Variants in RC3H1 observed in about 807,000 individuals in gnomAD.
RC3H1 encodes roquin-1.
A neutral mutation model predicts 138.2 loss-of-function variants in RC3H1; 50 were observed. That is an observed-to-expected ratio of 0.36 (90% CI 0.29 to 0.46). The LOEUF is 0.46. Among genes scored for constraint, RC3H1 ranks in the 20% least tolerant of loss-of-function variants. The pLI, the probability that RC3H1 is intolerant of heterozygous loss-of-function variation, is 1.00. For missense variants in RC3H1, 1,031 were observed against 1,388.1 expected, an observed-to-expected ratio of 0.74 and a Z score of 4.09; for synonymous variants, 462 against 489.1, an observed-to-expected ratio of 0.94 and a Z score of 0.73.
At chr1:173,957,639 T>C (rs1400872670) in intron 13 of RC3H1, among the ~76,000 whole-genome samples, 2 of 152,064 alleles carry the variant, frequency 1.3e-5, no homozygotes, top group African/African-American at 4.8e-5. Context: ...AGCACGGACC[T>C]CCCAGGTTCA....
intron 1 of RC3H1, among the ~76,000 whole-genome samples, chr1:174,012,670 GCTA>G (rs1450788977): frequency 2.0e-5 from 3 of 151,826 alleles, no homozygotes; most frequent in Non-Finnish European, 2.9e-5. Context: ...TGTAGTCCCA[GCTA>G]CTCGGGAGGC....
intron 1 of RC3H1, among the ~76,000 whole-genome samples, chr1:173,995,432 G>C (rs1193003910): frequency 1.3e-5 from 2 of 151,752 alleles, no homozygotes; most frequent in Non-Finnish European, 2.9e-5. Context: ...TACTTGGGAG[G>C]CTGAGGCAGG....
chr1:174,013,652 G>A (rs1661808970), intron 1 of RC3H1, among the ~76,000 whole-genome samples: 1 of 152,024 alleles, frequency 6.6e-6, no homozygotes, highest in African/African-American at 2.4e-5. Flanking sequence ...ATGTTGGCCA[G>A]TATGGTCTTG....
chr1:174,012,121 A>G (rs1424353092), intron 1 of RC3H1, among the ~76,000 whole-genome samples: 1 of 132,274 alleles, frequency 7.6e-6, no homozygotes, highest in Non-Finnish European at 1.5e-5. Flanking sequence ...ATGAGGTGGC[A>G]GGGGTGGCCT....
At position 173,982,915 on chromosome 1, in the gene RC3H1, G is replaced by A. The variant is rs1198651964; in HGVS notation, c.593-13C>T. ...TCCTCCTGCATTGCTAGGGAAAGTTGGGCAAAACCAAAATTTATCAAGTAC... is the reference window on the plus strand; with the variant it reads ...TCCTCCTGCATTGCTAGGGAAAGTTAGGCAAAACCAAAATTTATCAAGTAC... On this transcript the variant is annotated splice_polypyrimidine_tract_variant and intron_variant, in intron 4 of 19. Transcript: ENST00000367696. 1 of 1,593,974 alleles carries A rather than the reference G, an allele frequency of 6.3e-7. No homozygotes were observed. The highest frequency in any genetic ancestry group is 8.5e-7 in the Non-Finnish European group (1 of 1,172,978).
intron 14 of RC3H1, among the ~76,000 whole-genome samples, chr1:173,948,942 G>A (rs993575839): frequency 2.3e-4 from 35 of 151,920 alleles, no homozygotes; most frequent in Middle Eastern, 3.4e-3. Context: ...GCTAATACTC[G>A]TGTTACTTTA....
rs1005550144 is a variant in RC3H1, at chr1:173,984,506, A to G, written c.345T>C (p.Ser115=). Residue 115 remains serine (S), a synonymous_variant, in exon 3 of 20, where the codon AGT becomes AGC. Coordinates refer to ENST00000367696, the MANE Select transcript of RC3H1 (RefSeq NM_172071.4). ...ELALYLKPLS[S]ARGVGLNSTT... is the part of the protein sequence containing the mutation. ...AAACAAAAACAAACTTACCTCTAGC[A>G]CTGCTGAGCGGTTTTAAGTACAATG... The G allele has an allele frequency of 6.2e-7, 1 of 1,612,734 alleles. No homozygotes were observed. Among genetic ancestry groups the G allele is most frequent in the African/African-American group, 1.3e-5 (1 of 74,870 alleles).
chr1:173,984,710 T>G, intron 2 of RC3H1, 91 bp from the exon 3 acceptor site: 4 of 1,327,468 alleles, frequency 3.0e-6, no homozygotes, highest in Non-Finnish European at 4.1e-6. Context: ...CTGACACTGG[T>G]AACATCAAAA....
rs1265806847 is a variant in RC3H1, at chr1:173,936,759, ATATTT to A, written c.*1957_*1961del. The A allele has an allele frequency of 2.4e-4, 5 of 20,790 alleles. No homozygotes were observed. The South Asian group carries it at 5.7e-3, about 24-fold the overall frequency. 1.3% of individuals were successfully genotyped at this position (20,790 alleles called of 1,614,324 possible). A position where few individuals can be genotyped will look rare whatever the true frequency, so the allele number is the denominator to read the frequency against. On this transcript the variant is annotated 3_prime_UTR_variant, in exon 20 of 20. Transcript: ENST00000367696. ...TATATATATATATATATATATATAT[ATATTT>A]TTTTTTTTTTTTTTAAAAAAAGAAG...
rs1471591509 is a variant in RC3H1, at chr1:173,931,964, C to CA, written c.*6756dup. 6.6e-6 allele frequency: 1 copy of CA among 150,776 alleles called. No individual in the cohort carries two copies. The highest frequency in any genetic ancestry group is 1.5e-5 in the Non-Finnish European group (1 of 67,694). 9.3% of individuals were successfully genotyped at this position (150,776 alleles called of 1,614,324 possible). A position where few individuals can be genotyped will look rare whatever the true frequency, so the allele number is the denominator to read the frequency against. On this transcript the variant is annotated 3_prime_UTR_variant, in exon 20 of 20. Transcript: ENST00000367696. The stretch of plus-strand genomic sequence containing the variant: ...GGCAAGAAAGAATAGGGAGCTGTGG[C>CA]AATAAAAAAACAAAAAAATGCAAGA...
At position 173,935,658 on chromosome 1, in the gene RC3H1, C is replaced by T. The variant is rs1658551782; in HGVS notation, c.*3063G>A. On this transcript the variant is annotated 3_prime_UTR_variant, in exon 20 of 20. Transcript: ENST00000367696. ...TAGTTACAGAGTCAAGCAGTTATGC[C>T]CAAATATGCCATTTGTCCTTACAGG... The T allele has an allele frequency of 6.6e-6, 1 of 151,640 alleles. No individual in the cohort carries two copies. Among genetic ancestry groups the T allele is most frequent in the Non-Finnish European group, 1.5e-5 (1 of 67,934 alleles). The allele number at this position is 151,640 out of a possible 1,614,324, so 9.4% of individuals were successfully genotyped here. A position where few individuals can be genotyped will look rare whatever the true frequency, so the allele number is the denominator to read the frequency against.
At chr1:174,009,655 A>G (rs1661714560) in intron 1 of RC3H1, among the ~76,000 whole-genome samples, 3 of 152,108 alleles carry the variant, frequency 2.0e-5, no homozygotes, top group African/African-American at 7.2e-5. Context: ...CCCGGCCAAC[A>G]TGGTGAACCC....
rs1277012206 is a variant in RC3H1, at chr1:173,931,743, G to C, written c.*6978C>G. 2.0e-5 allele frequency: 3 copies of C among 152,156 alleles called. No individual in the cohort carries two copies. The highest frequency in any genetic ancestry group is 2.9e-5 in the Non-Finnish European group (2 of 68,018). 9.4% of individuals were successfully genotyped at this position (152,156 alleles called of 1,614,324 possible). ...TCAAATAAGACTTCACGGTTTGCCAGATCCTAAGGAATTATTCACAGCCTG... is the reference window on the plus strand; with the variant it reads ...TCAAATAAGACTTCACGGTTTGCCACATCCTAAGGAATTATTCACAGCCTG... On this transcript the variant is annotated 3_prime_UTR_variant, in exon 20 of 20. Coordinates refer to ENST00000367696, the MANE Select transcript of RC3H1 (RefSeq NM_172071.4).
chr1:173,956,707 T>A (rs1244975792), intron 13 of RC3H1, among the ~76,000 whole-genome samples: 1 of 151,122 alleles, frequency 6.6e-6, no homozygotes, highest in Non-Finnish European at 1.5e-5. Flanking sequence ...AATATCACTC[T>A]GTATCCCATA....
chr1:173,962,660 G>T (rs1250127532), intron 11 of RC3H1, among the ~76,000 whole-genome samples: 1 of 152,130 alleles, frequency 6.6e-6, no homozygotes, highest in Non-Finnish European at 1.5e-5. Context: ...CTTCTTCATT[G>T]TAACAAGTTC....
chr1:173,953,666 A>G (rs901325968), intron 13 of RC3H1, among the ~76,000 whole-genome samples: 5 of 152,324 alleles, frequency 3.3e-5, no homozygotes, highest in Middle Eastern at 3.4e-3. Context: ...GACGGCCAGG[A>G]GAATGGATTA....
At position 174,003,436 on chromosome 1, in the gene RC3H1, C is replaced by A. The variant is rs991135943; in HGVS notation, c.-150-10301G>T. On this transcript the variant is annotated intron_variant, in intron 1 of 19. Coordinates refer to ENST00000367696, the MANE Select transcript of RC3H1 (RefSeq NM_172071.4). The stretch of plus-strand genomic sequence containing the variant: ...ACACACACACGTACGGGGAATCATC[C>A]TTGACTACTCTCTTTTCTCACACCC... Among the ~76,000 whole-genome samples the A allele has an allele frequency of 1.3e-5, 2 of 151,036 alleles. 1 individual carries two copies. The highest frequency in any genetic ancestry group is 4.2e-4 in the South Asian group (2 of 4,766).
chr1:173,996,179 G>A (rs568721240), intron 1 of RC3H1, among the ~76,000 whole-genome samples: 12 of 152,192 alleles, frequency 7.9e-5, no homozygotes, highest in African/African-American at 1.4e-4. Context: ...GCTTGAACCC[G>A]GGAGGGGGAG....
At chr1:174,004,278 GTTT>G (rs1230068929) in intron 1 of RC3H1, among the ~76,000 whole-genome samples, 1 of 151,268 alleles carries the variant, frequency 6.6e-6, no homozygotes, top group African/African-American at 2.4e-5. Flanking sequence ...CACCTGGTTA[GTTT>G]TTTAAAAATT....
Sources: gnomAD v4.1 joint callset for allele counts (sites outside exome capture counted in the v4.1 genomes callset) on GRCh38, gnomAD v4.1.1 for gene constraint, MANE v1.5 for transcripts, NCBI Gene and HGNC (gene_info 2026-07-23, HGNC 2026-07-21) for gene names.